The following CAST variants were observed in gnomAD, a reference collection of about 807,000 sequenced individuals.
CAST encodes the protein calpastatin, also known as MIR583 host.
In CAST, 76 loss-of-function variants were observed where a neutral mutation model predicts 119.6. The observed-to-expected ratio is 0.64, with a 90% CI of 0.53 to 0.77. The LOEUF (loss-of-function observed/expected upper bound fraction) is 0.77. Among genes scored for constraint, CAST ranks in the 30% least tolerant of loss-of-function variants. The probability of loss-of-function intolerance (pLI) is 0.00; values close to 1 mark genes in which losing one functional copy is unlikely to be tolerated. For missense variants in CAST, 953 were observed against 946.5 expected (o/e 1.01, Z -0.09); for synonymous variants, 319 against 331.6 (o/e 0.96, Z 0.41).
the CAST span, among the ~76,000 whole-genome samples, chr5:96,288,763 G>A: frequency 6.6e-6 from 1 of 152,066 alleles, no homozygotes; most frequent in Non-Finnish European, 1.5e-5. Context: ...TAATCCTTAG[G>A]CCTCAGTTCC....
the CAST span, among the ~76,000 whole-genome samples, chr5:96,327,547 C>G: frequency 6.6e-6 from 1 of 152,146 alleles, no homozygotes; most frequent in South Asian, 2.1e-4. Context: ...AATTCTCTCC[C>G]CTTGAAAACG....
At chr5:96,051,764 C>T in the CAST span, among the ~76,000 whole-genome samples, 1 of 152,130 alleles carries the variant, frequency 6.6e-6, no homozygotes, top group South Asian at 2.1e-4. Flanking sequence ...TGCCACCGTT[C>T]TTAGTAGTCC....
the CAST span, among the ~76,000 whole-genome samples, chr5:96,220,019 T>C: frequency 3.9e-5 from 6 of 152,126 alleles, no homozygotes; most frequent in African/African-American, 1.4e-4. Context: ...TCCTTTCCCC[T>C]TTCTTCCTTG....
At chr5:96,444,601 C>A in the CAST span, among the ~76,000 whole-genome samples, 1 of 151,916 alleles carries the variant, frequency 6.6e-6, no homozygotes, top group South Asian at 2.1e-4. Context: ...ATTATTTTCT[C>A]CATCATATTG....
chr5:96,548,526 G>A (rs1004107197), intron 1 of CAST, among the ~76,000 whole-genome samples: 6 of 151,584 alleles, frequency 4.0e-5, no homozygotes, highest in Admixed American at 1.3e-4. Flanking sequence ...TGCACCCCCC[G>A]CCCCCCACCA....
chr5:95,992,347 T>C, the CAST span, among the ~76,000 whole-genome samples: 1 of 151,938 alleles, frequency 6.6e-6, no homozygotes, highest in South Asian at 2.1e-4. Context: ...TTATCAGTGA[T>C]GTTATGTGGA....
rs778138084 is a variant in CAST at position 96,770,532 on chromosome 5, A to T, written c.2270A>T (p.Asp757Val). The T allele has an allele frequency of 9.3e-6, 15 of 1,609,818 alleles. No homozygotes were observed. The highest frequency in any genetic ancestry group is 1.3e-5 in the Non-Finnish European group (15 of 1,176,312). The change falls in exon 30 of 32, where the codon GAT (aspartate) becomes GTT (valine). Residue 757 changes from aspartate (D) to valine (V), a missense_variant and splice_region_variant. Transcript: ENST00000675179. Reference sequence around the variant, plus strand: ...CTCATTACATTTCCTTTGCTTTAGGATAAGTGCAAGAAGGCTGCTTCCAGC... The same window carrying T: ...CTCATTACATTTCCTTTGCTTTAGGTTAAGTGCAAGAAGGCTGCTTCCAGC... ...TTETSQNTAK[D>V]KCKKAASSSK...
At chr5:96,551,140 GA>G (rs1746118170) in intron 1 of CAST, among the ~76,000 whole-genome samples, 1 of 152,002 alleles carries the variant, frequency 6.6e-6, no homozygotes, top group African/African-American at 2.4e-5. Context: ...TTGAAATGAA[GA>G]AAAAAATGTT....
chr5:96,227,158 G>T, the CAST span, among the ~76,000 whole-genome samples: 1 of 152,090 alleles, frequency 6.6e-6, no homozygotes, highest in East Asian at 1.9e-4. Context: ...ATAATAAGAG[G>T]CAGCTGTGTA....
At chr5:96,421,385 C>T in the CAST span, among the ~76,000 whole-genome samples, 3 of 101,022 alleles carry the variant, frequency 3.0e-5, no homozygotes, top group African/African-American at 1.1e-4. Flanking sequence ...AGGGGCCAGA[C>T]CTCAGAGGCA....
At chr5:96,080,013 A>G in the CAST span, among the ~76,000 whole-genome samples, 6 of 152,192 alleles carry the variant, frequency 3.9e-5, no homozygotes, top group African/African-American at 1.4e-4. Flanking sequence ...TAGTATATCT[A>G]TAGGTTGAAT....
intron 1 of CAST, 61 bp downstream of exon 1, chr5:96,662,558 G>A (rs948444765): frequency 2.3e-5 from 30 of 1,326,204 alleles, no homozygotes; most frequent in Non-Finnish European, 2.9e-5. Flanking sequence ...TCCCGGAGCT[G>A]TGGCCGCCCT....
the CAST span, among the ~76,000 whole-genome samples, chr5:96,474,820 C>T: frequency 2.0e-5 from 3 of 152,036 alleles, no homozygotes; most frequent in South Asian, 2.1e-4. Context: ...TTGGATATCT[C>T]GAGGGACTTA....
chr5:96,305,039 G>C, the CAST span, among the ~76,000 whole-genome samples: 1 of 152,160 alleles, frequency 6.6e-6, no homozygotes, highest in Non-Finnish European at 1.5e-5. Context: ...ATTACTTTGG[G>C]CAGTACGGCC....
chr5:96,722,468 G>T (rs1357644442), intron 3 of CAST, among the ~76,000 whole-genome samples, 171 bp from the exon 4 acceptor site: 1 of 152,120 alleles, frequency 6.6e-6, no homozygotes, highest in Non-Finnish European at 1.5e-5. Context: ...TATTTGATCT[G>T]GTTACAAAGG....
At chr5:96,519,817 G>T in the CAST span, among the ~76,000 whole-genome samples, 2 of 152,114 alleles carry the variant, frequency 1.3e-5, no homozygotes, top group African/African-American at 4.8e-5. Flanking sequence ...ATGTTGGCCA[G>T]CCTGGTCTCA....
the CAST span, among the ~76,000 whole-genome samples, chr5:96,440,290 G>A: frequency 6.6e-6 from 1 of 151,606 alleles, no homozygotes; most frequent in African/African-American, 2.4e-5. Context: ...ATTCCACTCA[G>A]TTATGGTATC....
the CAST span, among the ~76,000 whole-genome samples, chr5:96,034,242 T>C: frequency 3.9e-5 from 6 of 151,966 alleles, no homozygotes; most frequent in African/African-American, 1.4e-4. Flanking sequence ...CAAATTAAAA[T>C]CACAGTGAGA....
At chr5:96,417,189 C>T in the CAST span, among the ~76,000 whole-genome samples, 1 of 152,182 alleles carries the variant, frequency 6.6e-6, no homozygotes. Flanking sequence ...CCTAAATTGA[C>T]TGGCCATCAA....
Sources: gnomAD v4.1 joint callset for allele counts (sites outside exome capture counted in the v4.1 genomes callset) on GRCh38, gnomAD v4.1.1 for gene constraint, MANE v1.5 for transcripts, NCBI Gene and HGNC (gene_info 2026-07-23, HGNC 2026-07-21) for gene names.